The following DSG2 variants were observed in gnomAD, a reference collection of about 807,000 sequenced individuals.
DSG2 encodes the protein desmoglein 2, also known as desmoglein-2.
In DSG2, 45 loss-of-function variants were observed where a neutral mutation model predicts 75.6. That is an observed-to-expected ratio of 0.60 (90% CI 0.47 to 0.76). The LOEUF is 0.76. Ranked by LOEUF, DSG2 falls within the 30% of genes least tolerant of loss-of-function variation. The probability of loss-of-function intolerance (pLI) is 0.00; values close to 1 mark genes in which losing one functional copy is unlikely to be tolerated. For synonymous variants in DSG2, 429 were observed against 483.9 expected (o/e 0.89, Z 1.49); for missense variants, 1,267 against 1,357.4 (o/e 0.93, Z 1.05).
In DSG2 at chr18:31,538,911, T is replaced by C. The variant is rs750915767; in HGVS notation, c.1812T>C (p.His604=). Residue 604 remains histidine, a synonymous_variant, in exon 12 of 15, where the codon CAT becomes CAC. Transcript: ENST00000261590. ...GCAGCGGCTGCAGGGAAGCACAGCATGACTCCTATGTGGGCCTGGGACCCG... is the reference window on the plus strand; with the variant it reads ...GCAGCGGCTGCAGGGAAGCACAGCACGACTCCTATGTGGGCCTGGGACCCG... ...LHGSGCREAQ[H]DSYVGLGPAA... The C allele has an allele frequency of 2.5e-6, 4 of 1,614,066 alleles. No homozygotes were observed. The highest frequency in any genetic ancestry group is 8.5e-7 in the Non-Finnish European group (1 of 1,180,036).
In DSG2 at chr18:31,546,452, C is replaced by T; in HGVS notation, c.3066C>T (p.Phe1022=). ...TCATGGTGAGGGAAAGAGAGAGCTT[C>T]CTTGCCCCCAGCTCAGGTGTGCAGC... ...PYVMVRERES[F]LAPSSGVQPT... Residue 1022 remains phenylalanine, a synonymous_variant, in exon 15 of 15, where the codon TTC becomes TTT. Transcript: ENST00000261590. 6.2e-7 allele frequency: 1 copy of T among 1,614,136 alleles called. No individual in the cohort carries two copies. Among genetic ancestry groups the T allele is most frequent in the Non-Finnish European group, 8.5e-7 (1 of 1,180,008 alleles).
chr18:31,540,852 T>C (rs1349593467), intron 12 of DSG2, among the ~76,000 whole-genome samples: 4 of 152,094 alleles, frequency 2.6e-5, no homozygotes, highest in Admixed American at 2.6e-4. Context: ...TTTTTTTTAA[T>C]TGGACCATAG....
At chr18:31,527,670 A>G (rs1398590215) in intron 8 of DSG2, among the ~76,000 whole-genome samples, 1 of 152,222 alleles carries the variant, frequency 6.6e-6, no homozygotes, top group African/African-American at 2.4e-5. Context: ...GGAAAATCAA[A>G]TTAAAACTAT....
chr18:31,518,168 A>C, intron 1 of DSG2, 71 bp from the exon 2 acceptor site: 3 of 1,167,988 alleles, frequency 2.6e-6, no homozygotes, highest in Non-Finnish European at 3.9e-6. Flanking sequence ...GCAGTAGGTT[A>C]TTCATGAACA....
At chr18:31,526,822 G>A (rs1418486478) in intron 8 of DSG2, among the ~76,000 whole-genome samples, 2 of 152,156 alleles carry the variant, frequency 1.3e-5, no homozygotes, top group Non-Finnish European at 2.9e-5. Flanking sequence ...AAATATTTTT[G>A]TGTAGCTGCA....
chr18:31,533,922 G>A (rs990759891), intron 9 of DSG2, among the ~76,000 whole-genome samples: 1 of 151,556 alleles, frequency 6.6e-6, no homozygotes, highest in Non-Finnish European at 1.5e-5. Context: ...CATATGTTTG[G>A]TTGGTACTGG....
Position 31,503,022 on chromosome 18 carries a change from G to C in DSG2, c.45+4726G>C, listed in dbSNP as rs914943007. Among the ~76,000 whole-genome samples, 11 of 152,206 alleles carry C rather than the reference G, an allele frequency of 7.2e-5. No individual in the cohort carries two copies. In the South Asian group the frequency reaches 2.3e-3, roughly 32 times the overall value. On this transcript the variant is annotated intron_variant, in intron 1 of 14. Coordinates refer to ENST00000261590, the MANE Select transcript of DSG2 (RefSeq NM_001943.5). ...TCATATGCAAAGCTTGGTGATTAGAGTGAAGAAGCTGGAACAACAGAATTC... is the reference window on the plus strand; with the variant it reads ...TCATATGCAAAGCTTGGTGATTAGACTGAAGAAGCTGGAACAACAGAATTC...
chr18:31,525,116 G>A (rs926812711), intron 8 of DSG2, among the ~76,000 whole-genome samples: 1 of 152,132 alleles, frequency 6.6e-6, no homozygotes, highest in Non-Finnish European at 1.5e-5. Context: ...AGACAGCATG[G>A]TACCACCATC....
At chr18:31,510,238 A>G (rs1436901531) in intron 1 of DSG2, among the ~76,000 whole-genome samples, 1 of 152,270 alleles carries the variant, frequency 6.6e-6, no homozygotes, top group African/African-American at 2.4e-5. Context: ...CTGAATGGAC[A>G]TTAGAAGCCA....
intron 1 of DSG2, among the ~76,000 whole-genome samples, chr18:31,516,643 A>T (rs1197864259): frequency 6.6e-6 from 1 of 152,234 alleles, no homozygotes; most frequent in African/African-American, 2.4e-5. Context: ...CTAGAAAGGA[A>T]CCGCCACCCC....
At chr18:31,507,275 G>A (rs1301918609) in intron 1 of DSG2, among the ~76,000 whole-genome samples, 1 of 152,190 alleles carries the variant, frequency 6.6e-6, no homozygotes, top group African/African-American at 2.4e-5. Flanking sequence ...TTTTATGGCT[G>A]CATAGTATTC....
intron 14 of DSG2, chr18:31,543,259 C>G (rs934441589): frequency 6.0e-6 from 1 of 166,020 alleles, no homozygotes; most frequent in African/African-American, 2.4e-5. Flanking sequence ...AAAGCCTCCA[C>G]CTTTTTACAC....
chr18:31,530,956 G>A lies in DSG2; in HGVS notation c.1015-31G>A, dbSNP rs1013604592. 5 of 1,611,232 alleles carry A rather than the reference G, an allele frequency of 3.1e-6. No individual in the cohort carries two copies. In the African/African-American group the frequency reaches 6.7e-5, roughly 22 times the overall value. On this transcript the variant is annotated intron_variant, in intron 8 of 14. Transcript: ENST00000261590. ...TATACATGTCTTCTGTTTTCTCTTT[G>A]AAAAGAATTCCCTTTGGTTTTCCCT...
chr18:31,502,343 G>A (rs191333748), intron 1 of DSG2, among the ~76,000 whole-genome samples: 11 of 152,160 alleles, frequency 7.2e-5, no homozygotes, highest in African/African-American at 2.7e-4. Flanking sequence ...GAGAATTACT[G>A]GTCTATATTT....
chr18:31,501,277 T>A (rs1313172549), intron 1 of DSG2, among the ~76,000 whole-genome samples: 2 of 152,208 alleles, frequency 1.3e-5, no homozygotes, highest in Non-Finnish European at 2.9e-5. Context: ...GGTGAGAGAT[T>A]TCCTGATGGT....
chr18:31,542,313 T>G, intron 13 of DSG2: 1 of 622,090 alleles, frequency 1.6e-6, no homozygotes, highest in Non-Finnish European at 2.8e-6. Context: ...CTCTTTGGGT[T>G]CTATCCACCT....
chr18:31,499,891 G>T (rs921049270), intron 1 of DSG2, among the ~76,000 whole-genome samples: 2 of 152,044 alleles, frequency 1.3e-5, no homozygotes, highest in Non-Finnish European at 2.9e-5. Context: ...ATAGCCAATG[G>T]AACAGGAGCA....
intron 1 of DSG2, among the ~76,000 whole-genome samples, chr18:31,513,518 A>G (rs773143872): frequency 3.9e-5 from 6 of 152,260 alleles, no homozygotes; most frequent in Non-Finnish European, 7.3e-5. Flanking sequence ...ATTCAGCTCC[A>G]TGAGCTAGGC....
chr18:31,509,432 C>CTT (rs10629291), intron 1 of DSG2, among the ~76,000 whole-genome samples: 80,283 of 151,080 alleles, frequency 0.53, 22,736 homozygotes, highest in African/African-American at 0.75. Context: ...AAATATTGCT[C>CTT]TTTTTTTTTA....
Sources: gnomAD v4.1 joint callset for allele counts (sites outside exome capture counted in the v4.1 genomes callset) on GRCh38, gnomAD v4.1.1 for gene constraint, MANE v1.5 for transcripts, NCBI Gene and HGNC (gene_info 2026-07-23, HGNC 2026-07-21) for gene names.